Variants in ENPP3 observed in about 807,000 individuals in gnomAD.
The protein encoded by ENPP3 is ectonucleotide pyrophosphatase/phosphodiesterase 3.
A neutral mutation model predicts 117.8 loss-of-function variants in ENPP3; 104 were observed. The ratio of observed to expected loss-of-function variants is 0.88; its 90% CI spans 0.75 to 1.04. The LOEUF (loss-of-function observed/expected upper bound fraction) is 1.04. Among genes scored for constraint, ENPP3 ranks in the 50% least tolerant of loss-of-function variants. The probability of loss-of-function intolerance (pLI) is 0.00; values close to 1 mark genes in which losing one functional copy is unlikely to be tolerated. For synonymous variants in ENPP3, 380 were observed against 349.9 expected (o/e 1.09, Z -0.96); for missense variants, 1,026 against 1,051.9 (o/e 0.98, Z 0.34).
At chr6:131,671,395 G>T (rs1778738577) in intron 7 of ENPP3, 68 bp downstream of exon 7, 1 of 930,170 alleles carries the variant, frequency 1.1e-6, no homozygotes, top group South Asian at 1.4e-5. Context: ...GACATGTTTG[G>T]GCAGGAACTG....
Position 131,687,174 on chromosome 6 carries a change from G to A in ENPP3, c.1284+1267G>A, listed in dbSNP as rs149143322. Among the ~76,000 whole-genome samples the A allele has an allele frequency of 5.0e-3, 768 of 152,138 alleles. 7 individuals are homozygous for A. Among genetic ancestry groups the A allele is most frequent in the Admixed American group, 9.3e-3 (142 of 15,270 alleles). ...CCTTTCTCTGCAGCCTCACCATAGCGTCTATTGTTTTTTGACTTTTTAGCG... is the reference window on the plus strand; with the variant it reads ...CCTTTCTCTGCAGCCTCACCATAGCATCTATTGTTTTTTGACTTTTTAGCG... On this transcript the variant is annotated intron_variant, in intron 14 of 24. Coordinates refer to ENST00000357639, the MANE Select transcript of ENPP3 (RefSeq NM_005021.5).
At chr6:131,672,702 A>T (rs1267777569) in intron 7 of ENPP3, among the ~76,000 whole-genome samples, 1 of 151,598 alleles carries the variant, frequency 6.6e-6, no homozygotes, top group East Asian at 1.9e-4. Context: ...ACATATATGT[A>T]TACATAAAAT....
intron 15 of ENPP3, among the ~76,000 whole-genome samples, chr6:131,696,449 G>A (rs116716852): frequency 0.018 from 2,793 of 152,296 alleles, 38 homozygotes; most frequent in South Asian, 0.032. Flanking sequence ...CTTCCTGGTA[G>A]GGGTGGTTGC....
intron 14 of ENPP3, among the ~76,000 whole-genome samples, chr6:131,689,550 A>T (rs2114439329): frequency 6.6e-6 from 1 of 151,814 alleles, no homozygotes; most frequent in South Asian, 2.1e-4. Flanking sequence ...GTTCCTTTCT[A>T]AAGATTGCTG....
intron 17 of ENPP3, 38 bp from the exon 18 acceptor site, chr6:131,722,189 G>T: frequency 6.8e-7 from 1 of 1,477,840 alleles, no homozygotes; most frequent in Admixed American, 1.8e-5. Context: ...TTGCTTTCCA[G>T]TGTAAAGCTA....
Position 131,726,076 on chromosome 6 carries a change from T to C in ENPP3, c.1829T>C (p.Phe610Ser). Residue 610 changes from phenylalanine to serine, a missense_variant, in exon 20 of 25, where the codon TTT (phenylalanine) becomes TCT (serine). By Grantham distance (155) the Phe-to-Ser change is radical. Coordinates refer to ENST00000357639, the MANE Select transcript of ENPP3 (RefSeq NM_005021.5). ...GCAACAGTGAAAGTAAATTTGCCAT[T>C]TGGGAGGCCTAGGGTACTGCAGAAG... ...ITATVKVNLP[F>S]GRPRVLQKNV... 1 of 1,612,462 alleles carries C rather than the reference T, an allele frequency of 6.2e-7. No individual in the cohort carries two copies. Among genetic ancestry groups the C allele is most frequent in the Non-Finnish European group, 8.5e-7 (1 of 1,178,818 alleles).
chr6:131,720,069 G>A (rs1022214981), intron 16 of ENPP3, among the ~76,000 whole-genome samples: 3 of 152,106 alleles, frequency 2.0e-5, no homozygotes, highest in Non-Finnish European at 4.4e-5. Flanking sequence ...ATGGAGGTGG[G>A]TAGAGACAGA....
rs375939760 is a variant in ENPP3, at chr6:131,656,761, C to T, written c.465-1562C>T. ...CAGCCTGGGCAACAAAGCAAGACTC[C>T]GTCTCAAAAAAAAAAAAAAAAGTTT... is the stretch of plus-strand genomic sequence containing the variant. On this transcript the variant is annotated intron_variant, in intron 5 of 24. Transcript: ENST00000357639. 1.5e-4 allele frequency among the ~76,000 whole-genome samples: 22 copies of T among 147,714 alleles called. No individual in the cohort carries two copies. In the South Asian group the frequency reaches 1.5e-3, roughly 10 times the overall value.
At chr6:131,679,253 C>G (rs1195677182) in intron 11 of ENPP3, among the ~76,000 whole-genome samples, 1 of 151,590 alleles carries the variant, frequency 6.6e-6, no homozygotes, top group Non-Finnish European at 1.5e-5. Context: ...CGCCACCACG[C>G]TAGGCTAATT....
intron 23 of ENPP3, among the ~76,000 whole-genome samples, chr6:131,739,496 C>T (rs892684287): frequency 1.3e-5 from 2 of 151,690 alleles, no homozygotes; most frequent in African/African-American, 2.4e-5. Flanking sequence ...GGAATCTGGG[C>T]TCCTTCATTC....
intron 16 of ENPP3, among the ~76,000 whole-genome samples, chr6:131,719,089 T>A (rs1280485583): frequency 6.6e-6 from 1 of 151,800 alleles, no homozygotes; most frequent in African/African-American, 2.4e-5. Flanking sequence ...AAAGAAAAAG[T>A]AAAGGAGAGT....
intron 14 of ENPP3, among the ~76,000 whole-genome samples, chr6:131,686,206 G>A (rs575845568): frequency 1.3e-5 from 2 of 152,116 alleles, no homozygotes; most frequent in African/African-American, 4.8e-5. Flanking sequence ...AGGTAGCATC[G>A]TCTTTCTCAT....
intron 15 of ENPP3, among the ~76,000 whole-genome samples, chr6:131,712,105 A>AT (rs1779802459): frequency 7.7e-6 from 1 of 130,508 alleles, no homozygotes; most frequent in Non-Finnish European, 1.5e-5. Context: ...TTTGTCTTTC[A>AT]TTTTTTCTTT....
At chr6:131,739,320 A>ACGACAGTGTTC (rs1298213350) in intron 23 of ENPP3, among the ~76,000 whole-genome samples, 4 of 152,068 alleles carry the variant, frequency 2.6e-5, no homozygotes, top group Non-Finnish European at 5.9e-5. Context: ...CTGAAACCGA[A>ACGACAGTGTTC]GTACTGTCAC....
chr6:131,710,667 A>C, intron 15 of ENPP3: 1 of 1,611,836 alleles, frequency 6.2e-7, no homozygotes, highest in Non-Finnish European at 8.5e-7. Context: ...CCGCCTTCTC[A>C]AAGCTGGCAT....
intron 3 of ENPP3, among the ~76,000 whole-genome samples, chr6:131,651,331 A>C (rs897713360): frequency 6.6e-6 from 1 of 152,208 alleles, no homozygotes; most frequent in East Asian, 1.9e-4. Flanking sequence ...ACCTATACAC[A>C]GTCTTATTAT....
chr6:131,692,722 A>G (rs1221794078), intron 14 of ENPP3, among the ~76,000 whole-genome samples: 1 of 146,382 alleles, frequency 6.8e-6, no homozygotes, highest in East Asian at 2.0e-4. Context: ...TATAGTATAT[A>G]TTATATGGCT....
intron 9 of ENPP3, 46 bp from the exon 10 acceptor site, chr6:131,676,690 T>C: frequency 1.6e-6 from 2 of 1,272,048 alleles, no homozygotes; most frequent in Non-Finnish European, 2.3e-6. Context: ...GGAGTTATTC[T>C]TGATTTGATT....
chr6:131,722,996 C>T (rs1266964023), intron 18 of ENPP3, among the ~76,000 whole-genome samples: 1 of 152,156 alleles, frequency 6.6e-6, no homozygotes, highest in Non-Finnish European at 1.5e-5. Context: ...GCCCCAAGGG[C>T]AAGGAGTCAT....
Sources: allele counts gnomAD v4.1 joint callset (sites outside exome capture counted in the v4.1 genomes callset), GRCh38; gene constraint gnomAD v4.1.1; transcripts MANE v1.5; gene names NCBI Gene and HGNC (gene_info 2026-07-23, HGNC 2026-07-21).